Variants in ZNF804B observed in about 807,000 individuals in gnomAD.
ZNF804B encodes the protein zinc finger protein 804B.
In ZNF804B, 80 loss-of-function variants were observed where a neutral mutation model predicts 101.4. The ratio of observed to expected loss-of-function variants is 0.79; its 90% CI spans 0.66 to 0.95. ZNF804B has a LOEUF of 0.95. ZNF804B is among the 40% of genes least tolerant of loss of function. ZNF804B has a pLI of 0.00. For missense variants in ZNF804B, 1,673 were observed against 1,561.9 expected, an observed-to-expected ratio of 1.07 and a Z score of -1.20; for synonymous variants, 622 against 558.8, an observed-to-expected ratio of 1.11 and a Z score of -1.59.
At chr7:89,126,747 C>A (rs10247703) in intron 1 of ZNF804B, among the ~76,000 whole-genome samples, 44,433 of 151,554 alleles carry the variant, frequency 0.29, 7,046 homozygotes, top group East Asian at 0.58. Context: ...ATTTATCAAC[C>A]TTTTCTGAAA....
chr7:88,920,786 A>T (rs548484856), intron 1 of ZNF804B, among the ~76,000 whole-genome samples: 2 of 152,260 alleles, frequency 1.3e-5, no homozygotes, highest in Admixed American at 1.3e-4. Context: ...ATCCATGCAT[A>T]TATTTACTCA....
chr7:88,994,531 AGC>A (rs911522223), intron 1 of ZNF804B, among the ~76,000 whole-genome samples: 1 of 152,092 alleles, frequency 6.6e-6, no homozygotes, highest in African/African-American at 2.4e-5. Flanking sequence ...TTTTCACTGT[AGC>A]CTTTGGCTAC....
intron 1 of ZNF804B, among the ~76,000 whole-genome samples, chr7:88,776,369 A>T (rs1362945316): frequency 6.6e-6 from 1 of 152,044 alleles, no homozygotes; most frequent in African/African-American, 2.4e-5. Flanking sequence ...GTTGGTTTTT[A>T]TTGGGAAGAG....
chr7:88,957,752 A>G (rs1180319080), intron 1 of ZNF804B, among the ~76,000 whole-genome samples: 1 of 151,236 alleles, frequency 6.6e-6, no homozygotes, highest in Non-Finnish European at 1.5e-5. Context: ...CTGTTATTTT[A>G]TTGATTTATT....
At chr7:89,137,932 C>G (rs1279132593) in intron 1 of ZNF804B, among the ~76,000 whole-genome samples, 1 of 152,082 alleles carries the variant, frequency 6.6e-6, no homozygotes, top group African/African-American at 2.4e-5. Flanking sequence ...GGACTTGGTG[C>G]CCTGTGTCCA....
At chr7:89,110,271 G>T (rs1402044541) in intron 1 of ZNF804B, among the ~76,000 whole-genome samples, 1 of 152,150 alleles carries the variant, frequency 6.6e-6, no homozygotes, top group Admixed American at 6.5e-5. Context: ...ACTAATTCAT[G>T]AGAAACCAGA....
At chr7:88,875,118 A>G (rs967081750) in intron 1 of ZNF804B, among the ~76,000 whole-genome samples, 11 of 141,512 alleles carry the variant, frequency 7.8e-5, no homozygotes, top group African/African-American at 3.1e-4. Context: ...CAATGAGAAC[A>G]AAGACACCAC....
At chr7:89,037,378 T>G (rs1022669359) in intron 1 of ZNF804B, among the ~76,000 whole-genome samples, 4 of 152,082 alleles carry the variant, frequency 2.6e-5, no homozygotes, top group African/African-American at 9.7e-5. Context: ...ATTGTGGTAT[T>G]TGTTGTAATC....
intron 1 of ZNF804B, among the ~76,000 whole-genome samples, chr7:89,092,891 G>C (rs1297265038): frequency 6.6e-6 from 1 of 152,150 alleles, no homozygotes; most frequent in Non-Finnish European, 1.5e-5. Context: ...TAGAAACCAA[G>C]ATCTGGGTGC....
intron 1 of ZNF804B, among the ~76,000 whole-genome samples, chr7:89,146,466 C>T (rs934325454): frequency 6.6e-6 from 1 of 151,968 alleles, no homozygotes; most frequent in Non-Finnish European, 1.5e-5. Flanking sequence ...AGTAGCTTCC[C>T]TGTTAGAGGT....
At chr7:88,767,350 T>C (rs573503059) in intron 1 of ZNF804B, among the ~76,000 whole-genome samples, 1 of 152,320 alleles carries the variant, frequency 6.6e-6, no homozygotes, top group African/African-American at 2.4e-5. Flanking sequence ...ACTCAGCACT[T>C]CACTTGTCCT....
intron 1 of ZNF804B, among the ~76,000 whole-genome samples, chr7:89,159,883 C>A (rs1791033081): frequency 6.6e-6 from 1 of 152,100 alleles, no homozygotes; most frequent in Admixed American, 6.6e-5. Context: ...CTTTGGACAC[C>A]TATCCTTTGT....
chr7:89,059,487 T>C (rs2189056), intron 1 of ZNF804B, among the ~76,000 whole-genome samples: 126,627 of 151,830 alleles, frequency 0.83, 53,337 homozygotes, highest in African/African-American at 0.96. Context: ...AACCAGATCC[T>C]AAGTGAACTG....
At chr7:89,272,941 G>A (rs540074193) in intron 2 of ZNF804B, among the ~76,000 whole-genome samples, 5 of 152,010 alleles carry the variant, frequency 3.3e-5, no homozygotes, top group African/African-American at 1.2e-4. Flanking sequence ...CACAGTGTTT[G>A]TAATGCACGG....
At chr7:89,033,200 T>C (rs1036272915) in intron 1 of ZNF804B, among the ~76,000 whole-genome samples, 1 of 152,140 alleles carries the variant, frequency 6.6e-6, no homozygotes, top group Non-Finnish European at 1.5e-5. Flanking sequence ...AGAATCCATG[T>C]GTAAATGAGA....
chr7:88,983,330 T>C (rs1793717934), intron 1 of ZNF804B, among the ~76,000 whole-genome samples: 1 of 152,124 alleles, frequency 6.6e-6, no homozygotes, highest in Non-Finnish European at 1.5e-5. Context: ...GTGGACATCA[T>C]AATCATCTGG....
At chr7:88,802,266 C>T (rs908935645) in intron 1 of ZNF804B, among the ~76,000 whole-genome samples, 1 of 151,968 alleles carries the variant, frequency 6.6e-6, no homozygotes, top group African/African-American at 2.4e-5. Flanking sequence ...TATAACAGTG[C>T]GAAAGTGAAC....
chr7:89,122,681 G>C (rs67169022), intron 1 of ZNF804B, among the ~76,000 whole-genome samples: 1 of 152,070 alleles, frequency 6.6e-6, no homozygotes, highest in East Asian at 1.9e-4. Flanking sequence ...AGTATTATTG[G>C]TGTGGTTTTG....
chr7:88,972,015 T>C (rs562254415), intron 1 of ZNF804B, among the ~76,000 whole-genome samples: 8 of 151,498 alleles, frequency 5.3e-5, no homozygotes, highest in African/African-American at 1.7e-4. Context: ...CATAGTGATA[T>C]ATTGAGAAAT....
Sources: allele counts gnomAD v4.1 joint callset (sites outside exome capture counted in the v4.1 genomes callset), GRCh38; gene constraint gnomAD v4.1.1; transcripts MANE v1.5; gene names NCBI Gene and HGNC (gene_info 2026-07-23, HGNC 2026-07-21).